Variants in ZNF28 observed in about 807,000 individuals in gnomAD.
The protein encoded by ZNF28 is zinc finger protein KOX24.
A neutral mutation model predicts 7.2 loss-of-function variants in ZNF28; 5 were observed. The ratio of observed to expected loss-of-function variants is 0.70; its 90% CI spans 0.36 to 1.46. The LOEUF is 1.46. Ranked by LOEUF, ZNF28 falls within the 40% of genes most tolerant of loss-of-function variation. The probability of loss-of-function intolerance (pLI) is 0.03; values close to 1 mark genes in which losing one functional copy is unlikely to be tolerated. For synonymous variants in ZNF28, 288 were observed against 292.4 expected (o/e 0.99, Z 0.15); for missense variants, 879 against 866.6 (o/e 1.01, Z -0.18).
intron 3 of ZNF28, among the ~76,000 whole-genome samples, chr19:52,807,654 T>C (rs2062953087): frequency 6.6e-6 from 1 of 152,174 alleles, no homozygotes; most frequent in African/African-American, 2.4e-5. Flanking sequence ...TTTGTATTTT[T>C]AGTACAGACA....
Position 52,800,080 on chromosome 19 carries a change from G to A in ZNF28, c.1765C>T (p.Arg589Trp), listed in dbSNP as rs761484852. The A allele has an allele frequency of 4.2e-5, 68 of 1,613,734 alleles. No individual in the cohort carries two copies. Among genetic ancestry groups the A allele is most frequent in the Middle Eastern group, 1.6e-4 (1 of 6,080 alleles). Residue 589 changes from arginine to tryptophan, a missense_variant, in exon 4 of 4, where the codon CGG (arginine) becomes TGG (tryptophan). Arg to Trp is a moderately radical substitution (Grantham distance 101). Around this residue, in one of 2 missense-constraint regions of ZNF28, gnomAD observed 864 missense variants for 830.2 expected, o/e 1.04. Coordinates refer to ENST00000457749, the MANE Select transcript of ZNF28 (RefSeq NM_006969.5). Reference sequence around the variant, plus strand: ...TGTTGTGCCAGGTGTGAATCCCTCCGGAAAGCCTTGTCACAAACCTTACAT... The same window carrying A: ...TGTTGTGCCAGGTGTGAATCCCTCCAGAAAGCCTTGTCACAAACCTTACAT... ...YKCKVCDKAF[R>W]RDSHLAQHQR...
chr19:52,810,166 G>T, intron 2 of ZNF28: 1 of 952,446 alleles, frequency 1.0e-6, no homozygotes, highest in Non-Finnish European at 1.7e-6. Flanking sequence ...ATCGAAGCTG[G>T]AGTCAGGGAG....
At chr19:52,812,036 G>T (rs1760905831) in intron 2 of ZNF28, among the ~76,000 whole-genome samples, 2 of 50,810 alleles carry the variant, frequency 3.9e-5, no homozygotes, top group East Asian at 3.4e-4. Context: ...CCCCCCGCCC[G>T]GCCAGCCGCC....
chr19:52,814,755 C>T (rs2063100890), intron 2 of ZNF28, among the ~76,000 whole-genome samples: 1 of 146,028 alleles, frequency 6.8e-6, no homozygotes, highest in Non-Finnish European at 1.5e-5. Flanking sequence ...GACATGGTGG[C>T]ACTCGCTTGT....
intron 2 of ZNF28, chr19:52,810,061 G>C: frequency 2.7e-6 from 2 of 743,830 alleles, no homozygotes; most frequent in Non-Finnish European, 4.9e-6. Context: ...CCATGCCTGG[G>C]AGCTCCAGGA....
At chr19:52,810,729 G>C (rs1180553634) in intron 2 of ZNF28, 2 of 639,128 alleles carry the variant, frequency 3.1e-6, no homozygotes, top group Admixed American at 2.4e-5. Flanking sequence ...TATTAGGAGA[G>C]AGAGGAAAAA....
intron 2 of ZNF28, among the ~76,000 whole-genome samples, chr19:52,817,719 G>C: frequency 1.3e-5 from 2 of 152,186 alleles, no homozygotes; most frequent in Non-Finnish European, 2.9e-5. Flanking sequence ...GTCTGGGTGT[G>C]AGACCTTCCC....
intron 2 of ZNF28, among the ~76,000 whole-genome samples, chr19:52,817,471 G>A (rs1433000179): frequency 6.6e-6 from 1 of 152,032 alleles, no homozygotes; most frequent in Admixed American, 6.6e-5. Flanking sequence ...AGAAACACAG[G>A]AACTCACTCA....
At position 52,799,282 on chromosome 19, in the gene ZNF28, C is replaced by T; in HGVS notation, c.*406G>A. On this transcript the variant is annotated 3_prime_UTR_variant, in exon 4 of 4. Transcript: ENST00000457749. ...TCATCACATTTGTAAGGTTTCTCTC[C>T]AGTTTGAATTCTAATATGTTTTGCC... 4.7e-6 allele frequency: 2 copies of T among 423,532 alleles called. No homozygotes were observed. The highest frequency in any genetic ancestry group is 4.5e-6 in the Non-Finnish European group (1 of 223,268). 26.2% of individuals were successfully genotyped at this position (423,532 alleles called of 1,614,324 possible). A position where few individuals can be genotyped will look rare whatever the true frequency, so the allele number is the denominator to read the frequency against.
intron 2 of ZNF28, among the ~76,000 whole-genome samples, chr19:52,815,769 G>A (rs1236527053): frequency 6.8e-6 from 1 of 146,282 alleles, no homozygotes. Context: ...AGCTTGCAGT[G>A]AGCCGAGATT....
intron 2 of ZNF28, among the ~76,000 whole-genome samples, chr19:52,816,637 C>G (rs1227282886): frequency 8.0e-6 from 1 of 124,430 alleles, no homozygotes; most frequent in Non-Finnish European, 1.6e-5. Flanking sequence ...GCACTCCACC[C>G]TGGGTGACAG....
chr19:52,807,479 G>A lies in ZNF28; in HGVS notation c.142+528C>T, dbSNP rs533980340. Among the ~76,000 whole-genome samples, 15 of 152,174 alleles carry A rather than the reference G, an allele frequency of 9.9e-5. 1 individual carries two copies. In the South Asian group the frequency reaches 1.2e-3, roughly 13 times the overall value. Reference sequence around the variant, plus strand: ...AAAGTCTGCCATAAGGTTTGTTTTTGTCTTTGTTTTTTGAGACAGAGTCTT... The same window carrying A: ...AAAGTCTGCCATAAGGTTTGTTTTTATCTTTGTTTTTTGAGACAGAGTCTT... On this transcript the variant is annotated intron_variant, in intron 3 of 3. Transcript: ENST00000457749.
At position 52,798,934 on chromosome 19, in the gene ZNF28, G is replaced by A. The variant is rs1462439864; in HGVS notation, c.*754C>T. On this transcript the variant is annotated 3_prime_UTR_variant, in exon 4 of 4. Coordinates refer to ENST00000457749, the MANE Select transcript of ZNF28 (RefSeq NM_006969.5). ...AGGCTTTGCCACACTCATTGCACTT[G>A]TAAGGTTTCTCTCCAGTGTGAATTC... The A allele has an allele frequency of 2.1e-6, 3 of 1,424,222 alleles. No homozygotes were observed. Among genetic ancestry groups the A allele is most frequent in the South Asian group, 1.2e-5 (1 of 81,052 alleles). 88.2% of individuals were successfully genotyped at this position (1,424,222 alleles called of 1,614,324 possible). A position where few individuals can be genotyped will look rare whatever the true frequency, so the allele number is the denominator to read the frequency against.
chr19:52,803,365 C>G (rs1023086559), intron 3 of ZNF28, among the ~76,000 whole-genome samples: 3 of 152,288 alleles, frequency 2.0e-5, no homozygotes, highest in Non-Finnish European at 4.4e-5. Flanking sequence ...CAGGCATGAG[C>G]CACTGCACCC....
At chr19:52,811,040 C>T (rs2063026891) in intron 2 of ZNF28, among the ~76,000 whole-genome samples, 1 of 149,454 alleles carries the variant, frequency 6.7e-6, no homozygotes, top group South Asian at 2.1e-4. Context: ...CAGGCACGCG[C>T]CGCCACGCCT....
chr19:52,803,947 A>G (rs35056393), intron 3 of ZNF28, among the ~76,000 whole-genome samples: 15,085 of 152,142 alleles, frequency 0.099, 1,381 homozygotes, highest in African/African-American at 0.23. Context: ...ACAGGATGAG[A>G]CTCCATCTCA....
intron 1 of ZNF28, among the ~76,000 whole-genome samples, chr19:52,820,359 C>T (rs1202893631): frequency 7.2e-5 from 10 of 138,300 alleles, no homozygotes; most frequent in African/African-American, 3.0e-4. Flanking sequence ...CCTCATGATC[C>T]ACCCGCCTCG....
intron 2 of ZNF28, among the ~76,000 whole-genome samples, chr19:52,809,192 A>AG (rs1382680107): frequency 6.6e-6 from 1 of 152,198 alleles, no homozygotes; most frequent in African/African-American, 2.4e-5. Flanking sequence ...GCCCCATCCT[A>AG]GAAGAAGCAA....
chr19:52,818,409 T>A (rs1456931524), intron 1 of ZNF28, among the ~76,000 whole-genome samples: 1 of 152,114 alleles, frequency 6.6e-6, no homozygotes, highest in Non-Finnish European at 1.5e-5. Flanking sequence ...AAACCCTCTC[T>A]CTACTAAAAA....
Sources: gnomAD v4.1 joint callset for allele counts (sites outside exome capture counted in the v4.1 genomes callset) on GRCh38, gnomAD v4.1.1 for gene constraint, gnomAD v4.1.1 regional missense constraint, MANE v1.5 for transcripts, NCBI Gene and HGNC (gene_info 2026-07-23, HGNC 2026-07-21) for gene names.